ERBB4: variants seen among roughly 807,000 people sequenced by gnomAD.
The protein encoded by ERBB4 is erb-b2 receptor tyrosine kinase 4.
ERBB4 carries 42 observed loss-of-function variants against 158.0 expected under a neutral mutation model. That is an observed-to-expected ratio of 0.27 (90% CI 0.21 to 0.34). ERBB4 has a LOEUF of 0.34. Ranked by LOEUF, ERBB4 falls within the 10% of genes least tolerant of loss-of-function variation. The pLI is 1.00. For missense variants in ERBB4, 1,333 were observed against 1,624.1 expected (o/e 0.82, Z 3.08); for synonymous variants, 583 against 558.7 (o/e 1.04, Z -0.61).
At chr2:212,393,835 T>C (rs1378599840) in intron 1 of ERBB4, among the ~76,000 whole-genome samples, 1 of 152,132 alleles carries the variant, frequency 6.6e-6, no homozygotes, top group Non-Finnish European at 1.5e-5. Flanking sequence ...GGTGTGAACA[T>C]GTGCCTGAGT....
In ERBB4 at chr2:211,383,521, G is replaced by T; in HGVS notation, c.*94C>A. On this transcript the variant is annotated 3_prime_UTR_variant, in exon 28 of 28. Transcript: ENST00000342788. ...TCCACTGGGAAGTGTCAAAACTACTGGCCTTGGGGTAGAAGGAAGACCACC... is the reference window on the plus strand; with the variant it reads ...TCCACTGGGAAGTGTCAAAACTACTTGCCTTGGGGTAGAAGGAAGACCACC... 1.0e-6 allele frequency: 1 copy of T among 999,186 alleles called. No homozygotes were observed. Among genetic ancestry groups the T allele is most frequent in the Non-Finnish European group, 1.6e-6 (1 of 630,544 alleles). 61.9% of individuals were successfully genotyped at this position (999,186 alleles called of 1,614,324 possible).
intron 2 of ERBB4, among the ~76,000 whole-genome samples, chr2:212,101,870 A>C (rs2079093808): frequency 1.3e-5 from 2 of 151,706 alleles, no homozygotes; most frequent in South Asian, 4.2e-4. Flanking sequence ...TACCGTCAAC[A>C]CAGACCTCCA....
intron 3 of ERBB4, among the ~76,000 whole-genome samples, chr2:211,809,039 G>A (rs955445089): frequency 1.3e-5 from 2 of 152,152 alleles, no homozygotes; most frequent in African/African-American, 4.8e-5. Flanking sequence ...TTAGATGACA[G>A]GGTTTTCTAA....
At chr2:211,773,142 A>T (rs1191875626) in intron 4 of ERBB4, among the ~76,000 whole-genome samples, 1 of 150,504 alleles carries the variant, frequency 6.6e-6, no homozygotes, top group African/African-American at 2.4e-5. Context: ...AAAGCAGTTG[A>T]GGGAGTGCCT....
intron 2 of ERBB4, among the ~76,000 whole-genome samples, chr2:212,114,178 A>G (rs1378530182): frequency 4.6e-5 from 7 of 152,224 alleles, no homozygotes; most frequent in Non-Finnish European, 1.0e-4. Flanking sequence ...GAAGTGCTAC[A>G]AAGAAGCAGA....
rs1405225792 is a variant in ERBB4 at position 212,489,853 on chromosome 2, TAAAAC to T, written c.82+48591_82+48595del. ...ATAATATACAACTTCCTCTGTGACTTAAAACCAAGTCTCCCCATTGCTTAAAGGGC... is the reference window on the plus strand; with the variant it reads ...ATAATATACAACTTCCTCTGTGACTTCAAGTCTCCCCATTGCTTAAAGGGC... On this transcript the variant is annotated intron_variant, in intron 1 of 27. Transcript: ENST00000342788. Among the ~76,000 whole-genome samples the T allele has an allele frequency of 1.1e-3, 172 of 151,930 alleles. 1 individual carries two copies. Among genetic ancestry groups the T allele is most frequent in the Non-Finnish European group, 1.6e-4 (11 of 67,820 alleles).
At chr2:211,838,211 G>A (rs184147054) in intron 3 of ERBB4, among the ~76,000 whole-genome samples, 4 of 152,118 alleles carry the variant, frequency 2.6e-5, no homozygotes, top group Admixed American at 2.0e-4. Flanking sequence ...ATGAAAGTCT[G>A]GTTATTTGAG....
chr2:212,214,364 A>G (rs9973523), intron 1 of ERBB4, among the ~76,000 whole-genome samples: 84,153 of 151,432 alleles, frequency 0.56, 23,614 homozygotes, highest in East Asian at 0.77. Flanking sequence ...TTAAAGAACC[A>G]CATATAACTA....
chr2:212,014,328 C>T (rs1471641403), intron 2 of ERBB4, among the ~76,000 whole-genome samples: 3 of 152,204 alleles, frequency 2.0e-5, no homozygotes, highest in Non-Finnish European at 1.5e-5. Flanking sequence ...CCATTGCAAA[C>T]TCTACTCTTG....
At chr2:211,843,740 C>A (rs1031598862) in intron 3 of ERBB4, among the ~76,000 whole-genome samples, 2 of 151,462 alleles carry the variant, frequency 1.3e-5, no homozygotes, top group African/African-American at 4.9e-5. Context: ...TTTTAACTAC[C>A]AAGAAAAGGC....
chr2:212,366,277 G>A (rs1314432494), intron 1 of ERBB4, among the ~76,000 whole-genome samples: 1 of 152,002 alleles, frequency 6.6e-6, no homozygotes, highest in East Asian at 1.9e-4. Context: ...TTCACTGTGT[G>A]GCCTGGTTTG....
chr2:212,125,002 C>T (rs1298767253), intron 1 of ERBB4, 99 bp from the exon 2 acceptor site: 9 of 1,369,986 alleles, frequency 6.6e-6, no homozygotes, highest in Non-Finnish European at 9.3e-6. Context: ...CAAGCCTATC[C>T]CAGTTCTCTG....
intron 1 of ERBB4, among the ~76,000 whole-genome samples, chr2:212,191,787 A>ATAACACG (rs2082239928): frequency 6.9e-6 from 1 of 145,364 alleles, no homozygotes; most frequent in Non-Finnish European, 1.5e-5. Context: ...CGTGTGTTAT[A>ATAACACG]TGTTCTATAT....
At chr2:211,590,275 T>C (rs1440151068) in intron 19 of ERBB4, among the ~76,000 whole-genome samples, 2 of 152,236 alleles carry the variant, frequency 1.3e-5, no homozygotes, top group Admixed American at 6.5e-5. Flanking sequence ...ACTTAGTTTA[T>C]AGTTTAAAAC....
chr2:212,064,488 C>G (rs1188873468), intron 2 of ERBB4, among the ~76,000 whole-genome samples: 1 of 152,118 alleles, frequency 6.6e-6, no homozygotes, highest in African/African-American at 2.4e-5. Context: ...CCACCCCTTT[C>G]AAGATCCTGC....
intron 3 of ERBB4, among the ~76,000 whole-genome samples, chr2:211,857,159 TTG>T (rs144521308): frequency 5.6e-5 from 6 of 107,062 alleles, no homozygotes; most frequent in Admixed American, 1.7e-4. Flanking sequence ...CTGTGTGTGT[TTG>T]TGTGTGTGTG....
chr2:212,202,489 C>T (rs565044589), intron 1 of ERBB4, among the ~76,000 whole-genome samples: 1 of 152,136 alleles, frequency 6.6e-6, no homozygotes, highest in Admixed American at 6.5e-5. Flanking sequence ...GCTGGGACTA[C>T]AGGCATGAGC....
chr2:212,064,228 T>C (rs890169311), intron 2 of ERBB4, among the ~76,000 whole-genome samples: 1 of 152,070 alleles, frequency 6.6e-6, no homozygotes, highest in African/African-American at 2.4e-5. Flanking sequence ...GACAGGTATG[T>C]CTAGCATATT....
At chr2:212,101,896 C>T (rs2079094711) in intron 2 of ERBB4, among the ~76,000 whole-genome samples, 1 of 151,660 alleles carries the variant, frequency 6.6e-6, no homozygotes, top group African/African-American at 2.4e-5. Context: ...CCTGCTAGTA[C>T]GTTTTGCTTG....
Sources: gnomAD v4.1 joint callset for allele counts (sites outside exome capture counted in the v4.1 genomes callset) on GRCh38, gnomAD v4.1.1 for gene constraint, MANE v1.5 for transcripts, NCBI Gene and HGNC (gene_info 2026-07-23, HGNC 2026-07-21) for gene names.